SLC26A8: variants seen among roughly 807,000 people sequenced by gnomAD.
SLC26A8 encodes testis anion transporter 1.
SLC26A8 carries 70 observed loss-of-function variants against 105.0 expected under a neutral mutation model. That is an observed-to-expected ratio of 0.67 (90% confidence interval 0.55 to 0.81). The LOEUF (loss-of-function observed/expected upper bound fraction) is 0.81, where lower values mean the gene tolerates loss of function less well. Among genes scored for constraint, SLC26A8 ranks in the 40% least tolerant of loss-of-function variants. The pLI is 0.00. For synonymous variants in SLC26A8, 415 were observed against 438.3 expected, an observed-to-expected ratio of 0.95 and a Z score of 0.66; for missense variants, 998 against 1,181.8, an observed-to-expected ratio of 0.84 and a Z score of 2.28.
intron 17 of SLC26A8, 21 bp from the exon 18 acceptor site, chr6:35,951,520 A>G: frequency 6.2e-7 from 1 of 1,613,800 alleles, no homozygotes; most frequent in Non-Finnish European, 8.5e-7. Context: ...AGAGAAAACC[A>G]GTATCAGAAG....
At chr6:35,993,891 G>A (rs955493284) in intron 5 of SLC26A8, among the ~76,000 whole-genome samples, 2 of 151,910 alleles carry the variant, frequency 1.3e-5, no homozygotes, top group Non-Finnish European at 2.9e-5. Flanking sequence ...CAAAAAGAGG[G>A]TAGGTTAAGA....
chr6:36,021,914 C>T (rs1762135698), intron 1 of SLC26A8, among the ~76,000 whole-genome samples: 1 of 152,072 alleles, frequency 6.6e-6, no homozygotes, highest in South Asian at 2.1e-4. Context: ...CGTGATCTGC[C>T]TCCCTCGGCC....
chr6:35,997,689 A>T, intron 5 of SLC26A8, 49 bp downstream of exon 5: 4 of 1,571,064 alleles, frequency 2.5e-6, no homozygotes, highest in Non-Finnish European at 3.5e-6. Context: ...GTCTGTTTAT[A>T]GCCCCTTTAT....
chr6:35,954,403 A>G (rs1389698924), intron 17 of SLC26A8, among the ~76,000 whole-genome samples: 1 of 152,198 alleles, frequency 6.6e-6, no homozygotes, highest in African/African-American at 2.4e-5. Context: ...AAGACAGCCC[A>G]GTGCCTTTTA....
Position 35,968,886 on chromosome 6 carries a change from T to G in SLC26A8, c.1356A>C (p.Thr452=). Residue 452 remains threonine (T), a synonymous_variant, in exon 11 of 20, where the codon ACA becomes ACC. Coordinates refer to ENST00000490799, the MANE Select transcript of SLC26A8 (RefSeq NM_052961.4). ...GATCAGTTCTACTTACATTTGGCAG[T>G]GTGTAGAAAAAGTGTCCCATCTTCA... ...LMVKMGHFFY[T]LPNAVLAGII... The G allele has an allele frequency of 1.3e-6, 2 of 1,594,866 alleles. No individual in the cohort carries two copies. The highest frequency in any genetic ancestry group is 1.7e-6 in the Non-Finnish European group (2 of 1,169,824).
chr6:36,011,676 C>G (rs1761860013), intron 3 of SLC26A8, among the ~76,000 whole-genome samples: 1 of 152,102 alleles, frequency 6.6e-6, no homozygotes, highest in Non-Finnish European at 1.5e-5. Context: ...GGTGTGATCA[C>G]TGCTCACTAC....
chr6:35,984,351 T>C lies in SLC26A8; in HGVS notation c.943-2148A>G, dbSNP rs1773406194. 2.0e-5 allele frequency among the ~76,000 whole-genome samples: 3 copies of C among 146,740 alleles called. No homozygotes were observed. The South Asian group carries it at 6.6e-4, about 32-fold the overall frequency. ...TTTTTTTTTTTTTTGAGACAGAGTC[T>C]TTGCTCTGCTAACCAGGCTGGAGTG... On this transcript the variant is annotated intron_variant, in intron 7 of 19. Transcript: ENST00000490799.
At position 35,944,079 on chromosome 6, in the gene SLC26A8, G is replaced by T; in HGVS notation, c.2734C>A (p.Pro912Thr). 2 of 1,614,058 alleles carry T rather than the reference G, an allele frequency of 1.2e-6. No homozygotes were observed. The highest frequency in any genetic ancestry group is 1.7e-6 in the Non-Finnish European group (2 of 1,180,004). ...PQPETEPEME[P>T]NPKSRPRAHT... ...GCTCTTGGCCTAGATTTGGGGTTGG[G>T]CTCCATCTCAGGCTCAGTCTCAGGC... Residue 912 changes from proline (P) to threonine (T), a missense_variant, in exon 20 of 20, where the codon CCC (proline) becomes ACC (threonine). Transcript: ENST00000490799.
intron 19 of SLC26A8, 50 bp from the exon 20 acceptor site, chr6:35,944,390 G>T (rs780486694): frequency 1.0e-5 from 14 of 1,341,362 alleles, no homozygotes; most frequent in Non-Finnish European, 1.3e-5. Flanking sequence ...TTAACCTTCT[G>T]CTGAACGCAG....
rs191635710 is a variant in SLC26A8, at chr6:35,956,947, G to A, written c.1864-1427C>T. Among the ~76,000 whole-genome samples the A allele has an allele frequency of 4.7e-3, 714 of 151,652 alleles. 10 individuals are homozygous for A. Among genetic ancestry groups the A allele is most frequent in the African/African-American group, 0.016 (642 of 41,376 alleles). On this transcript the variant is annotated intron_variant, in intron 16 of 19. Transcript: ENST00000490799. ...AAGAAAAAAAAAAAAACAAAAGCTG[G>A]GGGTGTGCCTCACGCCTGTAATCCT...
chr6:35,999,890 T>C (rs1396267011), intron 4 of SLC26A8, 102 bp downstream of exon 4: 3 of 764,052 alleles, frequency 3.9e-6, no homozygotes, highest in Admixed American at 4.4e-5. Context: ...TCCTGCCTCC[T>C]TTCTTTCTAT....
At chr6:36,024,248 G>C in intron 1 of SLC26A8, 1 of 319,010 alleles carries the variant, frequency 3.1e-6, no homozygotes, top group South Asian at 2.2e-5. Flanking sequence ...AGGAGAATTT[G>C]AAAGGATGCA....
intron 2 of SLC26A8, among the ~76,000 whole-genome samples, chr6:36,017,568 G>A (rs188049622): frequency 3.1e-4 from 47 of 152,282 alleles, no homozygotes; most frequent in South Asian, 6.2e-4. Context: ...GGAGGCAGGG[G>A]CTGCAGTGAG....
At position 35,981,496 on chromosome 6, in the gene SLC26A8, G is replaced by A. The variant is rs1215576926; in HGVS notation, c.1025+625C>T. Among the ~76,000 whole-genome samples the A allele has an allele frequency of 6.6e-6, 1 of 152,094 alleles. No individual in the cohort carries two copies. Among genetic ancestry groups the A allele is most frequent in the African/African-American group, 2.4e-5 (1 of 41,402 alleles). ...TCTCTACTAAAAATGCAAAAAATTAGCCAGGCGTGGCAGTGCACGGCGGTG... is the reference window on the plus strand; with the variant it reads ...TCTCTACTAAAAATGCAAAAAATTAACCAGGCGTGGCAGTGCACGGCGGTG... On this transcript the variant is annotated intron_variant, in intron 8 of 19. Transcript: ENST00000490799. This position sits in a 1 kb window ranked among gnomAD's most constrained non-coding sequence, Gnocchi z 4.0.
At chr6:36,013,966 T>C (rs1469822586) in intron 2 of SLC26A8, among the ~76,000 whole-genome samples, 3 of 152,186 alleles carry the variant, frequency 2.0e-5, no homozygotes, top group African/African-American at 7.2e-5. Context: ...ACAAGGTCCT[T>C]GATTTCTAGC....
rs758791605 is a variant in SLC26A8, at chr6:35,992,692, C to G, written c.628-18G>C. ...ATTATTAGCTGCAGAGAAGAGAAAA[C>G]CAGAGTGGGGTAGAATGTCTTCAAT... On this transcript the variant is annotated intron_variant, in intron 5 of 19. Transcript: ENST00000490799. The G allele has an allele frequency of 1.6e-5, 25 of 1,591,532 alleles. No homozygotes were observed. The highest frequency in any genetic ancestry group is 2.0e-5 in the Non-Finnish European group (23 of 1,169,820).
chr6:35,999,930 A>T (rs1033535118), intron 4 of SLC26A8, 62 bp downstream of exon 4: 16 of 1,138,122 alleles, frequency 1.4e-5, no homozygotes, highest in African/African-American at 4.6e-5. Flanking sequence ...TACCTTAGCA[A>T]TAAGTATATG....
Position 35,951,511 on chromosome 6 carries a change from G to A in SLC26A8, c.2233-12C>T, listed in dbSNP as rs747222416. 1 of 1,614,054 alleles carries A rather than the reference G, an allele frequency of 6.2e-7. No individual in the cohort carries two copies. The highest frequency in any genetic ancestry group is 8.5e-7 in the Non-Finnish European group (1 of 1,179,966). Reference sequence around the variant, plus strand: ...AAGGCATTGCATATCTGTGGGGGGAGAGAAAACCAGTATCAGAAGGCTTTA... The same window carrying A: ...AAGGCATTGCATATCTGTGGGGGGAAAGAAAACCAGTATCAGAAGGCTTTA... On this transcript the variant is annotated splice_polypyrimidine_tract_variant and intron_variant, in intron 17 of 19. Transcript: ENST00000490799.
In SLC26A8 at chr6:35,992,558, GATGAAAGTCAGCTGGGACAGC is replaced by G; in HGVS notation, c.723_743del (p.Met241_Phe247del). ...CATGGAAACTAATCATAATCCCAAAGATGAAAGTCAGCTGGGACAGCATGATATGAAGTGCCACAGCAGCCA... is the reference window on the plus strand; with the variant it reads ...CATGGAAACTAATCATAATCCCAAAGATGATATGAAGTGCCACAGCAGCCA... On this transcript the variant is annotated inframe_deletion, in exon 6 of 20. Coordinates refer to ENST00000490799, the MANE Select transcript of SLC26A8 (RefSeq NM_052961.4). 6.2e-7 allele frequency: 1 copy of G among 1,614,080 alleles called. No individual in the cohort carries two copies. Among genetic ancestry groups the G allele is most frequent in the Non-Finnish European group, 8.5e-7 (1 of 1,179,990 alleles).
Sources: gnomAD v4.1 joint callset for allele counts (sites outside exome capture counted in the v4.1 genomes callset) on GRCh38, gnomAD v4.1.1 for gene constraint, Gnocchi (gnomAD v3.1) non-coding constraint, MANE v1.5 for transcripts, NCBI Gene and HGNC (gene_info 2026-07-23, HGNC 2026-07-21) for gene names.